The following CFAP97 variants were observed in gnomAD, a reference collection of about 807,000 sequenced individuals.
The protein encoded by CFAP97 is cilia- and flagella-associated protein 97.
CFAP97 carries 36 observed loss-of-function variants against 43.1 expected under a neutral mutation model. The observed-to-expected ratio is 0.84, with a 90% CI of 0.64 to 1.10. The LOEUF is 1.10. Among genes scored for constraint, CFAP97 ranks in the 50% least tolerant of loss-of-function variants. The probability of loss-of-function intolerance (pLI) is 0.00; values close to 1 mark genes in which losing one functional copy is unlikely to be tolerated. For synonymous variants in CFAP97, 228 were observed against 225.7 expected, an observed-to-expected ratio of 1.01 and a Z score of -0.09; for missense variants, 657 against 620.3, an observed-to-expected ratio of 1.06 and a Z score of -0.63.
chr4:185,201,912 C>A (rs561137587), intron 1 of CFAP97, among the ~76,000 whole-genome samples: 3 of 152,328 alleles, frequency 2.0e-5, no homozygotes, highest in African/African-American at 7.2e-5. Flanking sequence ...GGCCTATCCA[C>A]TTCTTTTCTA....
rs1398906903 is a variant in CFAP97, at chr4:185,161,631, C to T, written c.*1167G>A. 6.6e-6 allele frequency: 1 copy of T among 152,182 alleles called. No individual in the cohort carries two copies. The highest frequency in any genetic ancestry group is 2.4e-5 in the African/African-American group (1 of 41,452). 9.4% of individuals were successfully genotyped at this position (152,182 alleles called of 1,614,324 possible). ...AAATTCTAATTTGAAAAGTCAACAA[C>T]ATTAAACCCTATCTGCCATTACCAA... is the stretch of plus-strand genomic sequence containing the variant. On this transcript the variant is annotated 3_prime_UTR_variant, in exon 5 of 5. Coordinates refer to ENST00000458385, the MANE Select transcript of CFAP97 (RefSeq NM_020827.3).
At chr4:185,168,337 T>C (rs1400509547) in intron 3 of CFAP97, among the ~76,000 whole-genome samples, 1 of 151,892 alleles carries the variant, frequency 6.6e-6, no homozygotes, top group Non-Finnish European at 1.5e-5. Flanking sequence ...CTGGGTGCGG[T>C]GGCTCACACC....
At chr4:185,194,517 G>A (rs1054660932) in intron 1 of CFAP97, among the ~76,000 whole-genome samples, 5 of 152,064 alleles carry the variant, frequency 3.3e-5, no homozygotes, top group Non-Finnish European at 7.4e-5. Context: ...GTAGATCCTT[G>A]GTTGATAGAT....
chr4:185,181,577 G>A (rs1375290147), intron 2 of CFAP97, among the ~76,000 whole-genome samples: 5 of 151,932 alleles, frequency 3.3e-5, no homozygotes, highest in Non-Finnish European at 7.4e-5. Flanking sequence ...CGCCCGCCTC[G>A]GCCTCCCAAA....
At chr4:185,193,391 A>G (rs1470808047) in intron 1 of CFAP97, among the ~76,000 whole-genome samples, 1 of 152,220 alleles carries the variant, frequency 6.6e-6, no homozygotes, top group East Asian at 1.9e-4. Flanking sequence ...CTCATGCTGT[A>G]ATCCCAGCAC....
Position 185,175,957 on chromosome 4 carries a change from C to T in CFAP97, c.1149G>A (p.Glu383=), listed in dbSNP as rs116235300. The part of the protein sequence containing the change: ...PGKNYSFTRE[E]VRQIDRENQR... The stretch of plus-strand genomic sequence containing the variant: ...GATTTTCCCGATCGATCTGTCTCAC[C>T]TCTTCTCTTGTGAAAGAGTAGTTTT... Residue 383 remains glutamate, a synonymous_variant, in exon 3 of 5, where the codon GAG becomes GAA. Transcript: ENST00000458385. 1,958 of 1,613,820 alleles carry T rather than the reference C, an allele frequency of 1.2e-3. 13 individuals are homozygous for T. In the African/African-American group the frequency reaches 0.018, roughly 15 times the overall value.
At chr4:185,182,221 G>C (rs186020195) in intron 2 of CFAP97, 2 of 151,146 alleles carry the variant, frequency 1.3e-5, no homozygotes, top group Non-Finnish European at 2.9e-5. Flanking sequence ...TCTCCAAATC[G>C]GTGAGATTCA....
rs542980200 is a variant in CFAP97 at position 185,200,391 on chromosome 4, G to A, written c.-17+3507C>T. On this transcript the variant is annotated intron_variant, in intron 1 of 4. Coordinates refer to ENST00000458385, the MANE Select transcript of CFAP97 (RefSeq NM_020827.3). ...ACGGTGGCTCACGCCTATAATCCCA[G>A]CACTTTGGGAGGCTGTGGCAGGCAA... Among the ~76,000 whole-genome samples the A allele has an allele frequency of 2.6e-5, 4 of 152,312 alleles. No individual in the cohort carries two copies. In the South Asian group the frequency reaches 8.3e-4, roughly 32 times the overall value.
At chr4:185,163,922 G>A (rs896320278) in intron 4 of CFAP97, 107 bp downstream of exon 4, 21 of 935,858 alleles carry the variant, frequency 2.2e-5, no homozygotes, top group Non-Finnish European at 3.1e-5. Flanking sequence ...ATAACAGAAC[G>A]CATTCCAGAG....
chr4:185,175,681 G>T, intron 3 of CFAP97, 105 bp downstream of exon 3: 1 of 1,040,252 alleles, frequency 9.6e-7, no homozygotes, highest in Non-Finnish European at 1.4e-6. Flanking sequence ...CTGCTTTTAT[G>T]TAATGAAGTT....
intron 2 of CFAP97, among the ~76,000 whole-genome samples, chr4:185,176,538 T>C: frequency 6.6e-6 from 1 of 152,240 alleles, no homozygotes; most frequent in East Asian, 1.9e-4. Context: ...TAGTATTTTA[T>C]GCTCACCGGG....
chr4:185,182,809 C>A (rs1461248370), intron 2 of CFAP97, among the ~76,000 whole-genome samples: 1 of 152,078 alleles, frequency 6.6e-6, no homozygotes, highest in Non-Finnish European at 1.5e-5. Context: ...ATTTCATAAA[C>A]AACAAACGGG....
At chr4:185,169,463 G>T in intron 3 of CFAP97, 1 of 400,012 alleles carries the variant, frequency 2.5e-6, no homozygotes. Flanking sequence ...AGTTTCCTGA[G>T]GCTTCTCCAG....
At chr4:185,181,907 G>C (rs1396848550) in intron 2 of CFAP97, among the ~76,000 whole-genome samples, 1 of 152,170 alleles carries the variant, frequency 6.6e-6, no homozygotes, top group Non-Finnish European at 1.5e-5. Flanking sequence ...AACAGGGTCT[G>C]TATCTTCCCT....
At position 185,199,340 on chromosome 4, in the gene CFAP97, C is replaced by T. The variant is rs528935238; in HGVS notation, c.-17+4558G>A. On this transcript the variant is annotated intron_variant, in intron 1 of 4. Transcript: ENST00000458385. Reference sequence around the variant, plus strand: ...GAGCCGCGATCCGGCCACTGCACTACAGCCTGGGTGACAGAGCAAGACTCC... The same window carrying T: ...GAGCCGCGATCCGGCCACTGCACTATAGCCTGGGTGACAGAGCAAGACTCC... Among the ~76,000 whole-genome samples the T allele has an allele frequency of 5.9e-5, 9 of 152,172 alleles. No individual in the cohort carries two copies. In the East Asian group the frequency reaches 1.7e-3, roughly 29 times the overall value.
chr4:185,178,892 T>G (rs1735667533), intron 2 of CFAP97, among the ~76,000 whole-genome samples: 1 of 151,986 alleles, frequency 6.6e-6, no homozygotes, highest in Admixed American at 6.6e-5. Context: ...ATAGAGAAAC[T>G]AACGACCACA....
chr4:185,168,117 G>T (rs1470241072), intron 3 of CFAP97, among the ~76,000 whole-genome samples: 1 of 151,624 alleles, frequency 6.6e-6, no homozygotes, highest in East Asian at 1.9e-4. Context: ...TAAAGTACAT[G>T]ACAGTTAAGG....
chr4:185,175,266 TCTTC>T, intron 3 of CFAP97, among the ~76,000 whole-genome samples: 1 of 152,124 alleles, frequency 6.6e-6, no homozygotes, highest in South Asian at 2.1e-4. Context: ...CTCTCTTTTT[TCTTC>T]TCTTTTCTTT....
chr4:185,179,538 TAAG>T (rs1269046481), intron 2 of CFAP97, among the ~76,000 whole-genome samples: 1 of 152,130 alleles, frequency 6.6e-6, no homozygotes, highest in East Asian at 1.9e-4. Context: ...AGCCACCATG[TAAG>T]AAGTCCAACT....
Sources: allele counts gnomAD v4.1 joint callset (sites outside exome capture counted in the v4.1 genomes callset), GRCh38; gene constraint gnomAD v4.1.1; transcripts MANE v1.5; gene names NCBI Gene and HGNC (gene_info 2026-07-23, HGNC 2026-07-21).